Variants in CDH20 observed in about 807,000 individuals in gnomAD.
CDH20 encodes cadherin-20.
Under a neutral mutation model 74.2 loss-of-function variants are expected in CDH20, and 29 were observed. That is an observed-to-expected ratio of 0.39 (90% CI 0.29 to 0.53). The LOEUF is 0.53. Ranked by LOEUF, CDH20 falls within the 20% of genes least tolerant of loss-of-function variation. CDH20 has a pLI of 0.69. For synonymous variants in CDH20, 469 were observed against 405.4 expected (o/e 1.16, Z -1.88); for missense variants, 988 against 1,048.3 (o/e 0.94, Z 0.79).
At chr18:61,355,810 T>C (rs1020345934) in intron 1 of CDH20, among the ~76,000 whole-genome samples, 1 of 152,120 alleles carries the variant, frequency 6.6e-6, no homozygotes, top group Admixed American at 6.5e-5. Context: ...ATTAATAAAT[T>C]TGGGCAAAAA....
At chr18:61,543,561 A>T (rs1366826768) in intron 9 of CDH20, among the ~76,000 whole-genome samples, 2 of 152,158 alleles carry the variant, frequency 1.3e-5, no homozygotes, top group African/African-American at 4.8e-5. Context: ...TTTGAAAAAC[A>T]TTATGGAAAA....
At chr18:61,490,970 G>A (rs1910940413) in intron 2 of CDH20, among the ~76,000 whole-genome samples, 171 bp downstream of exon 2, 1 of 152,228 alleles carries the variant, frequency 6.6e-6, no homozygotes. Context: ...AGACCAGTCT[G>A]AAAGGAAAGA....
At chr18:61,502,443 CCCTG>C (rs769111517) in intron 4 of CDH20, among the ~76,000 whole-genome samples, 17 of 152,094 alleles carry the variant, frequency 1.1e-4, no homozygotes, top group Non-Finnish European at 2.1e-4. Context: ...AGAATTCCAA[CCCTG>C]CTTACAGGTA....
At chr18:61,427,282 C>G (rs760036582) in intron 1 of CDH20, among the ~76,000 whole-genome samples, 77 of 152,082 alleles carry the variant, frequency 5.1e-4, no homozygotes, top group Non-Finnish European at 7.8e-4. Context: ...TGTTTCAACC[C>G]ATTTTATCCT....
intron 1 of CDH20, among the ~76,000 whole-genome samples, chr18:61,414,591 G>A (rs1261173092): frequency 1.3e-5 from 2 of 152,016 alleles, no homozygotes; most frequent in Admixed American, 1.3e-4. Context: ...TTTCTTACAT[G>A]AGCCTATCTG....
intron 1 of CDH20, among the ~76,000 whole-genome samples, chr18:61,442,220 A>G (rs1176871412): frequency 6.6e-6 from 1 of 152,020 alleles, no homozygotes; most frequent in Non-Finnish European, 1.5e-5. Context: ...GCATGGTGGC[A>G]TGTGCCTGTA....
intron 1 of CDH20, among the ~76,000 whole-genome samples, chr18:61,459,548 A>T (rs1909696483): frequency 6.6e-6 from 1 of 152,156 alleles, no homozygotes; most frequent in South Asian, 2.1e-4. Context: ...AAGTTGACCT[A>T]AACTAGATGT....
At chr18:61,386,363 A>G (rs912797191) in intron 1 of CDH20, among the ~76,000 whole-genome samples, 2 of 152,178 alleles carry the variant, frequency 1.3e-5, no homozygotes. Flanking sequence ...AGACACTCTC[A>G]CCCTTCCTTT....
chr18:61,399,534 A>G (rs1223055644), intron 1 of CDH20, among the ~76,000 whole-genome samples: 1 of 152,182 alleles, frequency 6.6e-6, no homozygotes, highest in East Asian at 1.9e-4. Context: ...TGGATCAAAA[A>G]TACATCACCC....
intron 1 of CDH20, among the ~76,000 whole-genome samples, chr18:61,358,921 C>T (rs1000069512): frequency 6.1e-5 from 9 of 147,654 alleles, no homozygotes; most frequent in African/African-American, 2.3e-4. Context: ...AATACTGGTG[C>T]AATGGACTTT....
At chr18:61,470,142 G>T (rs1910113011) in intron 1 of CDH20, among the ~76,000 whole-genome samples, 1 of 152,114 alleles carries the variant, frequency 6.6e-6, no homozygotes, top group African/African-American at 2.4e-5. Flanking sequence ...CAATTCCCCT[G>T]CCAACGGCTA....
intron 1 of CDH20, among the ~76,000 whole-genome samples, chr18:61,416,620 T>C (rs1912693141): frequency 6.6e-6 from 1 of 152,186 alleles, no homozygotes; most frequent in Non-Finnish European, 1.5e-5. Flanking sequence ...GAAGAAAGTG[T>C]GCGTGCCCTA....
chr18:61,407,506 C>T (rs1912369195), intron 1 of CDH20, among the ~76,000 whole-genome samples: 1 of 152,154 alleles, frequency 6.6e-6, no homozygotes, highest in African/African-American at 2.4e-5. Context: ...TTACAAAAGG[C>T]ATGAATTAAA....
chr18:61,372,891 T>A (rs1189194775), intron 1 of CDH20, among the ~76,000 whole-genome samples: 1 of 152,120 alleles, frequency 6.6e-6, no homozygotes, highest in African/African-American at 2.4e-5. Flanking sequence ...TCAAGTTGTA[T>A]ATTCTCTGTC....
intron 1 of CDH20, among the ~76,000 whole-genome samples, chr18:61,342,700 C>A (rs1568102106): frequency 6.6e-6 from 1 of 152,288 alleles, no homozygotes; most frequent in East Asian, 1.9e-4. Flanking sequence ...AGTTGAGAAC[C>A]ACTGCCATAG....
At chr18:61,422,754 A>G (rs1412666234) in intron 1 of CDH20, among the ~76,000 whole-genome samples, 1 of 150,800 alleles carries the variant, frequency 6.6e-6, no homozygotes, top group Non-Finnish European at 1.5e-5. Context: ...TGTTTTAAAT[A>G]TATAAAATAT....
chr18:61,555,671 A>C lies in CDH20; in HGVS notation c.*976A>C, dbSNP rs917042981. On this transcript the variant is annotated 3_prime_UTR_variant, in exon 12 of 12. Transcript: ENST00000262717. ...ATAGAGAATAAATGGATGTAAGAAAATTACATGTACAAGTTTTGTATATTT... is the reference window on the plus strand; with the variant it reads ...ATAGAGAATAAATGGATGTAAGAAACTTACATGTACAAGTTTTGTATATTT... 7.0e-5 allele frequency: 68 copies of C among 973,280 alleles called. No homozygotes were observed. The highest frequency in any genetic ancestry group is 6.2e-5 in the Admixed American group (1 of 16,260). 60.3% of individuals were successfully genotyped at this position (973,280 alleles called of 1,614,324 possible).
At chr18:61,434,681 C>A (rs1353012517) in intron 1 of CDH20, among the ~76,000 whole-genome samples, 1 of 152,062 alleles carries the variant, frequency 6.6e-6, no homozygotes, top group Admixed American at 6.5e-5. Context: ...GCCTGCACCC[C>A]AAGCTCCCTG....
intron 1 of CDH20, among the ~76,000 whole-genome samples, chr18:61,467,795 A>G (rs1910016125): frequency 6.6e-6 from 1 of 152,134 alleles, no homozygotes; most frequent in Non-Finnish European, 1.5e-5. Flanking sequence ...ATATTAAATC[A>G]TTTGCCAAAA....
Sources: gnomAD v4.1 joint callset for allele counts (sites outside exome capture counted in the v4.1 genomes callset) on GRCh38, gnomAD v4.1.1 for gene constraint, MANE v1.5 for transcripts, NCBI Gene and HGNC (gene_info 2026-07-23, HGNC 2026-07-21) for gene names.